FNDC3B: variants seen among roughly 807,000 people sequenced by gnomAD.
The protein encoded by FNDC3B is fibronectin type III domain-containing protein 3B.
A neutral mutation model predicts 151.5 loss-of-function variants in FNDC3B; 12 were observed. The ratio of observed to expected loss-of-function variants is 0.08; its 90% CI spans 0.05 to 0.13. FNDC3B has a LOEUF of 0.13. FNDC3B is among the 10% of genes least tolerant of loss of function. The pLI, the probability that FNDC3B is intolerant of heterozygous loss-of-function variation, is 1.00. For synonymous variants in FNDC3B, 528 were observed against 549.0 expected (o/e 0.96, Z 0.54); for missense variants, 1,214 against 1,505.3 (o/e 0.81, Z 3.20).
chr3:172,241,895 G>T (rs1022850084), intron 4 of FNDC3B, among the ~76,000 whole-genome samples: 1 of 152,166 alleles, frequency 6.6e-6, no homozygotes, highest in African/African-American at 2.4e-5. Context: ...CTGAGACAAA[G>T]CAAGTCCCTT....
chr3:172,178,589 G>C (rs114105468), intron 3 of FNDC3B, among the ~76,000 whole-genome samples: 1 of 152,172 alleles, frequency 6.6e-6, no homozygotes, highest in Admixed American at 6.5e-5. Context: ...TGTAGCTATG[G>C]GGGTAGCAGG....
intron 23 of FNDC3B, among the ~76,000 whole-genome samples, chr3:172,369,564 A>G (rs1734784328): frequency 6.6e-6 from 1 of 152,202 alleles, no homozygotes; most frequent in Admixed American, 6.5e-5. Context: ...GCATAAAAAA[A>G]TTCCACCCAT....
At chr3:172,304,798 G>A (rs1296528062) in intron 9 of FNDC3B, among the ~76,000 whole-genome samples, 3 of 151,878 alleles carry the variant, frequency 2.0e-5, no homozygotes, top group East Asian at 3.9e-4. Context: ...TCAGGGGGCC[G>A]AGGCAGGAGA....
chr3:172,324,796 A>G (rs1032829277), intron 11 of FNDC3B, among the ~76,000 whole-genome samples: 13 of 152,194 alleles, frequency 8.5e-5, no homozygotes, highest in African/African-American at 2.9e-4. Flanking sequence ...AGAATGATCA[A>G]TGGTGTTCAC....
chr3:172,341,258 A>C (rs759105345), intron 17 of FNDC3B, 27 bp downstream of exon 17: 2 of 1,495,928 alleles, frequency 1.3e-6, no homozygotes, highest in Non-Finnish European at 1.9e-6. Flanking sequence ...TATGAAAGTA[A>C]ACCTCATTGA....
chr3:172,359,703 A>G (rs1419341518), intron 22 of FNDC3B, among the ~76,000 whole-genome samples: 1 of 152,206 alleles, frequency 6.6e-6, no homozygotes, highest in Non-Finnish European at 1.5e-5. Context: ...TCTTCTATTA[A>G]TACCATAAAG....
chr3:172,339,421 G>GT lies in FNDC3B; in HGVS notation c.1853-1692_1853-1691insT, dbSNP rs1733168943. On this transcript the variant is annotated intron_variant, in intron 16 of 25. Transcript: ENST00000415807. The stretch of plus-strand genomic sequence containing the variant: ...CTAGAAAAAATACAAAAATTAGCTG[G>GT]GTGTGGTGGCATGTGCCTGTAATTC... Among the ~76,000 whole-genome samples the GT allele has an allele frequency of 2.0e-5, 3 of 152,196 alleles. No homozygotes were observed. In the South Asian group the frequency reaches 6.2e-4, roughly 32 times the overall value.
chr3:172,315,531 T>G (rs1343492338), intron 11 of FNDC3B, among the ~76,000 whole-genome samples: 1 of 152,226 alleles, frequency 6.6e-6, no homozygotes, highest in African/African-American at 2.4e-5. Context: ...CTTTAGTGTT[T>G]AGAGCCATGG....
At chr3:172,394,125 AAAAAAAAAAAAT>A (rs1736158807) in intron 25 of FNDC3B, among the ~76,000 whole-genome samples, 1 of 147,742 alleles carries the variant, frequency 6.8e-6, no homozygotes, top group Non-Finnish European at 1.5e-5. Context: ...AAAAAAAAAA[AAAAAAAAAAAAT>A]GGATACAGCA....
At chr3:172,354,828 A>G (rs1734012077) in intron 22 of FNDC3B, among the ~76,000 whole-genome samples, 1 of 151,246 alleles carries the variant, frequency 6.6e-6, no homozygotes, top group Admixed American at 6.6e-5. Flanking sequence ...TAAGCAGACC[A>G]TGGAGCTTGG....
Position 172,119,717 on chromosome 3 carries a change from C to T in FNDC3B, c.111+7127C>T, listed in dbSNP as rs558610857. Among the ~76,000 whole-genome samples the T allele has an allele frequency of 3.9e-5, 6 of 152,314 alleles. No individual in the cohort carries two copies. The South Asian group carries it at 1.2e-3, about 32-fold the overall frequency. ...AAACCTTATCTGCATAGTCGGTGAT[C>T]TCTTTGCTTGAACTTCTGCTACTTA... On this transcript the variant is annotated intron_variant, in intron 2 of 25. Coordinates refer to ENST00000415807, the MANE Select transcript of FNDC3B (RefSeq NM_022763.4).
At chr3:172,143,273 A>C (rs114050759) in intron 3 of FNDC3B, among the ~76,000 whole-genome samples, 1,775 of 152,282 alleles carry the variant, frequency 0.012, 16 homozygotes, top group Non-Finnish European at 0.017. Context: ...TACAGGCATG[A>C]GTGTGTTTCC....
chr3:172,392,916 T>C (rs565842), intron 25 of FNDC3B, among the ~76,000 whole-genome samples: 128,222 of 150,960 alleles, frequency 0.85, 55,870 homozygotes, highest in East Asian at 1. Flanking sequence ...AAGCAGTTCT[T>C]CTGCCTGTAT....
intron 4 of FNDC3B, among the ~76,000 whole-genome samples, chr3:172,236,952 G>A (rs1727197531): frequency 6.6e-6 from 1 of 152,110 alleles, no homozygotes; most frequent in Non-Finnish European, 1.5e-5. Flanking sequence ...TAGGTGTTCT[G>A]GTAAAGTACT....
At chr3:172,083,997 T>C (rs75287302) in intron 1 of FNDC3B, among the ~76,000 whole-genome samples, 8,922 of 152,070 alleles carry the variant, frequency 0.059, 906 homozygotes, top group African/African-American at 0.2. Context: ...TTTCAGACAA[T>C]AGAGAGGTAT....
In FNDC3B at chr3:172,084,470, T is replaced by TACACACACACACACAC. The variant is rs774135456; in HGVS notation, c.-28-27981_-28-27980insCACACACACACACACA. 8.0e-3 allele frequency among the ~76,000 whole-genome samples: 373 copies of TACACACACACACACAC among 46,588 alleles called. 1 individual carries two copies. The highest frequency in any genetic ancestry group is 0.047 in the East Asian group (99 of 2,118). 30.6% of individuals were successfully genotyped at this position (46,588 alleles called of 152,430 possible). Reference sequence around the variant, plus strand: ...GTCTCAAAAAAAAAATATGTATATGTATACACACACACACATACACACACA... The same window carrying TACACACACACACACAC: ...GTCTCAAAAAAAAAATATGTATATGTACACACACACACACACATACACACACACACATACACACACA... On this transcript the variant is annotated intron_variant, in intron 1 of 25. Coordinates refer to ENST00000415807, the MANE Select transcript of FNDC3B (RefSeq NM_022763.4).
At chr3:172,327,550 G>A (rs993234416) in intron 11 of FNDC3B, among the ~76,000 whole-genome samples, 6 of 152,122 alleles carry the variant, frequency 3.9e-5, no homozygotes, top group African/African-American at 9.7e-5. Flanking sequence ...ACCAGCACCC[G>A]CCACCAAGCC....
chr3:172,377,117 T>C (rs1198792480), intron 23 of FNDC3B, among the ~76,000 whole-genome samples: 1 of 152,248 alleles, frequency 6.6e-6, no homozygotes, highest in African/African-American at 2.4e-5. Context: ...TAAATTCTGC[T>C]TACCCCTAGG....
chr3:172,355,979 C>CTTA lies in FNDC3B; in HGVS notation c.2795+2901_2795+2903dup, dbSNP rs1244557868. ...CTGAGATTACTTTTTTTTAAACAAC[C>CTTA]TTATTATATGCCTGACTCAGACTGA... On this transcript the variant is annotated intron_variant, in intron 22 of 25. Transcript: ENST00000415807. Among the ~76,000 whole-genome samples the CTTA allele has an allele frequency of 2.6e-5, 4 of 152,178 alleles. No individual in the cohort carries two copies. The East Asian group carries it at 5.8e-4, about 22-fold the overall frequency.
Sources: allele counts gnomAD v4.1 joint callset (sites outside exome capture counted in the v4.1 genomes callset), GRCh38; gene constraint gnomAD v4.1.1; transcripts MANE v1.5; gene names NCBI Gene and HGNC (gene_info 2026-07-23, HGNC 2026-07-21).